MED12L: variants seen among roughly 807,000 people sequenced by gnomAD.
MED12L encodes mediator complex subunit 12L.
A neutral mutation model predicts 281.3 loss-of-function variants in MED12L; 60 were observed. The ratio of observed to expected loss-of-function variants is 0.21; its 90% CI spans 0.17 to 0.26. MED12L has a LOEUF of 0.26. MED12L is among the 10% of genes least tolerant of loss of function. The probability of loss-of-function intolerance (pLI) is 1.00; values close to 1 mark genes in which losing one functional copy is unlikely to be tolerated. For missense variants in MED12L, 2,146 were observed against 2,680.9 expected (o/e 0.80, Z 4.41); for synonymous variants, 974 against 987.2 (o/e 0.99, Z 0.25).
chr3:151,193,670 A>G lies in MED12L; in HGVS notation c.2250+4A>G, dbSNP rs1474916956. The G allele has an allele frequency of 6.2e-7, 1 of 1,609,768 alleles. No individual in the cohort carries two copies. Among genetic ancestry groups the G allele is most frequent in the Non-Finnish European group, 8.5e-7 (1 of 1,176,510 alleles). ...AACACATTTTCCTATACCTCTGGTAAGTCATTGCTTCAGTTAATCTATACC... is the reference window on the plus strand; with the variant it reads ...AACACATTTTCCTATACCTCTGGTAGGTCATTGCTTCAGTTAATCTATACC... On this transcript the variant is annotated splice_donor_region_variant and intron_variant, in intron 16 of 44. Coordinates refer to ENST00000687756, the MANE Select transcript of MED12L (RefSeq NM_001393769.1).
chr3:151,332,679 CATTT>C (rs1173448495), intron 16 of MED12L, among the ~76,000 whole-genome samples: 3 of 151,922 alleles, frequency 2.0e-5, no homozygotes, highest in African/African-American at 7.2e-5. Context: ...AATATATTTA[CATTT>C]ATTTATGTAT....
chr3:151,109,789 T>G (rs1711589999), intron 2 of MED12L, among the ~76,000 whole-genome samples: 1 of 152,230 alleles, frequency 6.6e-6, no homozygotes, highest in Non-Finnish European at 1.5e-5. Context: ...TAAAAGTGCT[T>G]TATTTTTTCT....
intron 16 of MED12L, chr3:151,213,146 G>A (rs1001500826): frequency 1.5e-5 from 9 of 581,174 alleles, no homozygotes; most frequent in African/African-American, 3.8e-5. Flanking sequence ...TTACAAAAAA[G>A]CATGGAAACT....
chr3:151,233,537 C>A (rs918436962), intron 16 of MED12L, among the ~76,000 whole-genome samples: 4 of 152,278 alleles, frequency 2.6e-5, no homozygotes, highest in Non-Finnish European at 5.9e-5. Flanking sequence ...AGTTTGAGAC[C>A]AGCCTGACCA....
intron 16 of MED12L, among the ~76,000 whole-genome samples, chr3:151,273,400 G>GTTTTTTTT (rs1167031698): frequency 1.4e-5 from 1 of 73,124 alleles, no homozygotes; most frequent in Non-Finnish European, 2.7e-5. Context: ...GCTAATTTTT[G>GTTTTTTTT]TATTTTTTTT....
At chr3:151,149,175 G>T (rs1718135868) in intron 5 of MED12L, among the ~76,000 whole-genome samples, 1 of 152,142 alleles carries the variant, frequency 6.6e-6, no homozygotes, top group Non-Finnish European at 1.5e-5. Flanking sequence ...GGGGATGGAG[G>T]ATGGAGGAAA....
At chr3:151,088,344 C>G (rs1471971115) in intron 2 of MED12L, among the ~76,000 whole-genome samples, 1 of 152,188 alleles carries the variant, frequency 6.6e-6, no homozygotes, top group East Asian at 1.9e-4. Context: ...TTTTCCTACC[C>G]GTTACCCCAC....
At chr3:151,262,607 G>C (rs1577164996) in intron 16 of MED12L, among the ~76,000 whole-genome samples, 1 of 152,222 alleles carries the variant, frequency 6.6e-6, no homozygotes, top group East Asian at 1.9e-4. Flanking sequence ...ATTTACTAAG[G>C]GATGCATGGG....
At chr3:151,257,418 C>T (rs1020429908) in intron 16 of MED12L, among the ~76,000 whole-genome samples, 4 of 152,180 alleles carry the variant, frequency 2.6e-5, no homozygotes, top group African/African-American at 7.2e-5. Context: ...GAATAGATTG[C>T]CTTAGTTAGA....
At chr3:151,315,952 A>T (rs538499921) in intron 16 of MED12L, among the ~76,000 whole-genome samples, 2 of 152,236 alleles carry the variant, frequency 1.3e-5, no homozygotes, top group Non-Finnish European at 2.9e-5. Context: ...TGAGATCTCC[A>T]TGCTTGCTTC....
In MED12L at chr3:151,360,489, C is replaced by G. The variant is rs751697864; in HGVS notation, c.2841C>G (p.Val947=). 4.3e-6 allele frequency: 7 copies of G among 1,612,328 alleles called. No individual in the cohort carries two copies. The highest frequency in any genetic ancestry group is 5.9e-6 in the Non-Finnish European group (7 of 1,178,930). ...TTCTCCTCAGGTTGTGTGGTGTGGT[C>G]AAGCATGTCGTAAACCCCTCAGAAT... ...AQVFEGLCGV[V]KHVVNPSECS... Residue 947 remains valine (V), a synonymous_variant, in exon 21 of 45, where the codon GTC becomes GTG. Coordinates refer to ENST00000687756, the MANE Select transcript of MED12L (RefSeq NM_001393769.1).
At chr3:151,251,384 T>G (rs1384393009) in intron 16 of MED12L, among the ~76,000 whole-genome samples, 1 of 149,792 alleles carries the variant, frequency 6.7e-6, no homozygotes, top group Non-Finnish European at 1.5e-5. Flanking sequence ...GCCTGGTGAT[T>G]TTTTTTTTTA....
intron 39 of MED12L, among the ~76,000 whole-genome samples, chr3:151,407,334 G>C (rs1466580557): frequency 1.3e-5 from 2 of 152,126 alleles, no homozygotes; most frequent in Non-Finnish European, 2.9e-5. Context: ...TTCCCACAAA[G>C]CCAAAAGAGG....
intron 11 of MED12L, among the ~76,000 whole-genome samples, chr3:151,177,505 C>T (rs1321772509): frequency 6.6e-6 from 1 of 152,172 alleles, no homozygotes; most frequent in Non-Finnish European, 1.5e-5. Flanking sequence ...ATTTCCAGTA[C>T]TTGCTCAATA....
At chr3:151,403,285 T>C (rs562653979) in intron 39 of MED12L, among the ~76,000 whole-genome samples, 1 of 152,328 alleles carries the variant, frequency 6.6e-6, no homozygotes, top group East Asian at 1.9e-4. Flanking sequence ...ATTCATGGCC[T>C]GGGCTTGGGA....
At chr3:151,367,027 A>G (rs962771959) in intron 23 of MED12L, among the ~76,000 whole-genome samples, 7 of 152,158 alleles carry the variant, frequency 4.6e-5, no homozygotes. Flanking sequence ...TTGCTATTGT[A>G]GTTGTTTTTC....
intron 39 of MED12L, among the ~76,000 whole-genome samples, chr3:151,405,525 A>G (rs1716195014): frequency 1.3e-5 from 2 of 152,224 alleles, no homozygotes; most frequent in East Asian, 1.9e-4. Context: ...TAATCCCAAC[A>G]CTTTAGGAGG....
chr3:151,375,812 GT>G (rs1560097514), intron 27 of MED12L, among the ~76,000 whole-genome samples: 1 of 151,856 alleles, frequency 6.6e-6, no homozygotes, highest in African/African-American at 2.4e-5. Context: ...ATTAAAAAAT[GT>G]TTTTAAGCAA....
At chr3:151,132,801 A>AT in intron 5 of MED12L, among the ~76,000 whole-genome samples, 1 of 152,232 alleles carries the variant, frequency 6.6e-6, no homozygotes, top group East Asian at 1.9e-4. Flanking sequence ...TACCTCTGAC[A>AT]TTCGCCTTTG....
Sources: allele counts gnomAD v4.1 joint callset (sites outside exome capture counted in the v4.1 genomes callset), GRCh38; gene constraint gnomAD v4.1.1; transcripts MANE v1.5; gene names NCBI Gene and HGNC (gene_info 2026-07-23, HGNC 2026-07-21).